ALPL: variants seen among roughly 807,000 people sequenced by gnomAD.
ALPL encodes the protein alkaline phosphatase, tissue-nonspecific isozyme.
A neutral mutation model predicts 51.3 loss-of-function variants in ALPL; 42 were observed. The observed-to-expected ratio is 0.82, with a 90% CI of 0.64 to 1.06. The LOEUF (loss-of-function observed/expected upper bound fraction) is 1.06. Among genes scored for constraint, ALPL ranks in the 50% least tolerant of loss-of-function variants. The pLI, the probability that ALPL is intolerant of heterozygous loss-of-function variation, is 0.00. For missense variants in ALPL, 589 were observed against 709.4 expected (o/e 0.83, Z 1.93); for synonymous variants, 279 against 296.4 (o/e 0.94, Z 0.60).
chr1:21,561,128 C>T lies in ALPL; in HGVS notation c.213C>T (p.Arg71=). The T allele has an allele frequency of 1.2e-6, 2 of 1,613,248 alleles. No homozygotes were observed. The highest frequency in any genetic ancestry group is 1.7e-6 in the Non-Finnish European group (2 of 1,179,740). The change falls in exon 4 of 12, where the codon CGC becomes CGT. Residue 71 remains arginine (R), a synonymous_variant. Transcript: ENST00000374840. ...GTGTCTCCACAGTGACGGCTGCCCG[C>T]ATCCTCAAGGGTCAGCTCCACCACA... The part of the protein sequence containing the change: ...GMGVSTVTAA[R]ILKGQLHHNP...
At chr1:21,559,212 C>T (rs1013215441) in intron 2 of ALPL, among the ~76,000 whole-genome samples, 3 of 152,212 alleles carry the variant, frequency 2.0e-5, no homozygotes, top group African/African-American at 4.8e-5. Flanking sequence ...AAAGAGGAAA[C>T]CGCTAGGGAG....
chr1:21,520,897 A>G (rs1643876781), intron 1 of ALPL, among the ~76,000 whole-genome samples: 1 of 152,222 alleles, frequency 6.6e-6, no homozygotes, highest in African/African-American at 2.4e-5. Flanking sequence ...CCTCAAACTC[A>G]GGTCAGGATC....
intron 1 of ALPL, among the ~76,000 whole-genome samples, chr1:21,550,536 G>C (rs1324284387): frequency 6.6e-6 from 1 of 152,170 alleles, no homozygotes. Context: ...GATTGTTCAT[G>C]TAAGCTCCCA....
At chr1:21,567,537 C>A (rs1318814701) in intron 6 of ALPL, among the ~76,000 whole-genome samples, 1 of 152,220 alleles carries the variant, frequency 6.6e-6, no homozygotes, top group African/African-American at 2.4e-5. Flanking sequence ...ACGCATTCAG[C>A]CTTCCACCGT....
intron 1 of ALPL, among the ~76,000 whole-genome samples, chr1:21,523,604 C>T (rs535124142): frequency 6.6e-6 from 1 of 152,168 alleles, no homozygotes; most frequent in African/African-American, 2.4e-5. Context: ...GGGCCCAGAC[C>T]GGTATTCAGG....
chr1:21,577,927 A>T lies in ALPL; in HGVS notation c.*279A>T, dbSNP rs990104878. The T allele has an allele frequency of 1.8e-6, 1 of 569,346 alleles. No individual in the cohort carries two copies. The highest frequency in any genetic ancestry group is 1.9e-5 in the African/African-American group (1 of 53,410). The allele number at this position is 569,346 out of a possible 1,614,324, so 35.3% of individuals were successfully genotyped here. A position where few individuals can be genotyped will look rare whatever the true frequency, so the allele number is the denominator to read the frequency against. On this transcript the variant is annotated 3_prime_UTR_variant, in exon 12 of 12. Transcript: ENST00000374840. Reference sequence around the variant, plus strand: ...CAGGCAGAGAGTACAGACTGCAGACATTCTCAAAGCCTCTTATTTTTCTAG... The same window carrying T: ...CAGGCAGAGAGTACAGACTGCAGACTTTCTCAAAGCCTCTTATTTTTCTAG...
At chr1:21,519,120 C>T (rs981784383) in intron 1 of ALPL, among the ~76,000 whole-genome samples, 11 of 152,232 alleles carry the variant, frequency 7.2e-5, no homozygotes, top group East Asian at 5.8e-4. Flanking sequence ...ACCCCTGCCT[C>T]GCCAAAGCAC....
rs1644762341 is a variant in ALPL at position 21,577,720 on chromosome 1, G to C, written c.*72G>C. On this transcript the variant is annotated 3_prime_UTR_variant, in exon 12 of 12. Transcript: ENST00000374840. ...CCCACACGGCAGCCCCCCCCTCAAGGGGCAGGGAGGTGGGGGCCTCCTCAG... is the reference window on the plus strand; with the variant it reads ...CCCACACGGCAGCCCCCCCCTCAAGCGGCAGGGAGGTGGGGGCCTCCTCAG... 1.3e-6 allele frequency: 2 copies of C among 1,534,970 alleles called. No individual in the cohort carries two copies. The highest frequency in any genetic ancestry group is 3.9e-5 in the Admixed American group (2 of 51,866).
At chr1:21,553,087 A>C (rs955215449) in intron 1 of ALPL, among the ~76,000 whole-genome samples, 1 of 139,804 alleles carries the variant, frequency 7.2e-6, no homozygotes, top group Non-Finnish European at 1.6e-5. Context: ...AAGAGGAAAT[A>C]ATCATTCATA....
In ALPL at chr1:21,509,863, C is replaced by T. The variant is rs532745321; in HGVS notation, c.-105+346C>T. 2.0e-5 allele frequency among the ~76,000 whole-genome samples: 3 copies of T among 152,212 alleles called. No homozygotes were observed. The highest frequency in any genetic ancestry group is 4.4e-5 in the Non-Finnish European group (3 of 68,034). On this transcript the variant is annotated intron_variant, in intron 1 of 11. Transcript: ENST00000374840. This position sits in a 1 kb window ranked among gnomAD's most constrained non-coding sequence, Gnocchi z 6.0. The stretch of plus-strand genomic sequence containing the variant: ...CCTGGGACCCTGCGCTCTGTCTGGG[C>T]ACCTGCCCTTGGTGCCCCGTGACTG...
chr1:21,514,870 A>C (rs1500932), intron 1 of ALPL, among the ~76,000 whole-genome samples: 1,811 of 152,200 alleles, frequency 0.012, 40 homozygotes, highest in African/African-American at 0.04. Flanking sequence ...TTTTGCAGTT[A>C]AGGAGACTGA....
chr1:21,530,777 ATTTTTTTTTT>A (rs71016918), intron 1 of ALPL, among the ~76,000 whole-genome samples: 23 of 111,870 alleles, frequency 2.1e-4, no homozygotes, highest in Non-Finnish European at 3.2e-4. Context: ...CAAGCTTTGA[ATTTTTTTTTT>A]TTTTTTTTTT....
In ALPL at chr1:21,576,263, ATGGATGGG is replaced by A. The variant is rs1558557884; in HGVS notation, c.1190-251_1190-244del. Among the ~76,000 whole-genome samples the A allele has an allele frequency of 0.26, 13,214 of 51,122 alleles. 658 individuals carry two copies. Among genetic ancestry groups the A allele is most frequent in the Non-Finnish European group, 0.28 (7,331 of 25,778 alleles). 33.5% of individuals were successfully genotyped at this position (51,122 alleles called of 152,430 possible). On this transcript the variant is annotated intron_variant, in intron 10 of 11. Coordinates refer to ENST00000374840, the MANE Select transcript of ALPL (RefSeq NM_000478.6). The stretch of plus-strand genomic sequence containing the variant: ...GGATGGATGGATGGATGATGGATGG[ATGGATGGG>A]TGGATGGATGGATGGGTGGATGGAT...
rs2148185013 is a variant in ALPL, at chr1:21,573,819, T to C, written c.997+20T>C. ...TGGAAGGTAGGGACCCCGGGTCTGC[T>C]GAGAGGGGGCTGCTGGAAACACGGC... is the stretch of plus-strand genomic sequence containing the variant. On this transcript the variant is annotated intron_variant, in intron 9 of 11. Transcript: ENST00000374840. 1.9e-6 allele frequency: 3 copies of C among 1,614,020 alleles called. No individual in the cohort carries two copies. The highest frequency in any genetic ancestry group is 2.5e-6 in the Non-Finnish European group (3 of 1,179,974).
chr1:21,552,407 G>C (rs533223401), intron 1 of ALPL, among the ~76,000 whole-genome samples: 2 of 150,544 alleles, frequency 1.3e-5, no homozygotes, highest in African/African-American at 4.9e-5. Flanking sequence ...TGAACCCGGG[G>C]GGCGGAGGTT....
chr1:21,575,919 T>C lies in ALPL; in HGVS notation c.1184T>C (p.Ile395Thr), dbSNP rs751977466. ...FGGYTPRGNS[I>T]FGLAPMLSDT... ...GGATACACCCCCCGTGGCAACTCTA[T>C]CTTTGGTAGGTGGGCCTTCTTTGGG... Residue 395 changes from isoleucine to threonine, a missense_variant, in exon 10 of 12, where the codon ATC becomes ACC. Coordinates refer to ENST00000374840, the MANE Select transcript of ALPL (RefSeq NM_000478.6). 1.9e-6 allele frequency: 3 copies of C among 1,614,064 alleles called. No homozygotes were observed.
intron 5 of ALPL, 89 bp from the exon 6 acceptor site, chr1:21,563,952 T>A: frequency 1.3e-6 from 2 of 1,529,542 alleles, no homozygotes; most frequent in Non-Finnish European, 1.8e-6. Flanking sequence ...CGGGGGCCTG[T>A]CTTTAGCGGG....
chr1:21,553,320 G>A (rs1434500543), intron 1 of ALPL, among the ~76,000 whole-genome samples: 1 of 151,946 alleles, frequency 6.6e-6, no homozygotes, highest in Admixed American at 6.6e-5. Context: ...CCCAGAAATG[G>A]CCACACTTAC....
intron 1 of ALPL, among the ~76,000 whole-genome samples, chr1:21,518,703 C>T (rs749200202): frequency 6.6e-6 from 1 of 152,156 alleles, no homozygotes; most frequent in Non-Finnish European, 1.5e-5. Flanking sequence ...GTACCATCCC[C>T]AAGCTCTCAG....
Sources: allele counts gnomAD v4.1 joint callset (sites outside exome capture counted in the v4.1 genomes callset), GRCh38; gene constraint gnomAD v4.1.1; non-coding constraint Gnocchi (gnomAD v3.1); transcripts MANE v1.5; gene names NCBI Gene and HGNC (gene_info 2026-07-23, HGNC 2026-07-21).